The following ELAVL2 variants were observed in gnomAD, a reference collection of about 807,000 sequenced individuals.
The protein encoded by ELAVL2 is ELAV-like protein 2.
Under a neutral mutation model 34.6 loss-of-function variants are expected in ELAVL2, and 4 were observed. The observed-to-expected ratio is 0.12, with a 90% CI of 0.06 to 0.26. The LOEUF (loss-of-function observed/expected upper bound fraction) is 0.26. Ranked by LOEUF, ELAVL2 falls within the 10% of genes least tolerant of loss-of-function variation. The probability of loss-of-function intolerance (pLI) is 1.00; values close to 1 mark genes in which losing one functional copy is unlikely to be tolerated. For missense variants in ELAVL2, 432 were observed against 442.8 expected, an observed-to-expected ratio of 0.98 and a Z score of 0.22; for synonymous variants, 193 against 154.8, an observed-to-expected ratio of 1.25 and a Z score of -1.83.
At chr9:23,829,530 G>A (rs1364727554), upstream of ELAVL2, 1 of 152,156 alleles carries the variant, frequency 6.6e-6, no homozygotes, top group African/African-American at 2.4e-5. Context: ...CTTCTTAGAT[G>A]AATAAAAATG....
chr9:23,699,201 T>C (rs563358261), intron 5 of ELAVL2, among the ~76,000 whole-genome samples: 93 of 152,184 alleles, frequency 6.1e-4, no homozygotes, highest in African/African-American at 2.1e-3. Flanking sequence ...CAACCAAAAA[T>C]AAAAAGCACA....
At chr9:23,747,519 C>G (rs10966064) in intron 2 of ELAVL2, among the ~76,000 whole-genome samples, 34,281 of 152,000 alleles carry the variant, frequency 0.23, 5,091 homozygotes, top group African/African-American at 0.38. Context: ...ACCCAAAGCT[C>G]AGACAAAGAC....
At chr9:23,714,182 C>T (rs2041728777) in intron 3 of ELAVL2, among the ~76,000 whole-genome samples, 1 of 152,136 alleles carries the variant, frequency 6.6e-6, no homozygotes, top group Non-Finnish European at 1.5e-5. Context: ...AATTCAATTG[C>T]TCCTCCCAAT....
At chr9:23,715,116 G>A (rs1422335227) in intron 3 of ELAVL2, among the ~76,000 whole-genome samples, 1 of 152,136 alleles carries the variant, frequency 6.6e-6, no homozygotes, top group Non-Finnish European at 1.5e-5. Flanking sequence ...CCACCAAGTA[G>A]GGACTCTACT....
intron 1 of ELAVL2, among the ~76,000 whole-genome samples, chr9:23,786,053 T>C (rs1361478916): frequency 1.3e-5 from 2 of 152,210 alleles, no homozygotes; most frequent in Non-Finnish European, 2.9e-5. Flanking sequence ...CTAGCTGAAC[T>C]TGAGAGACTT....
At chr9:23,833,688 A>C in the ELAVL2 span, among the ~76,000 whole-genome samples, 1 of 152,082 alleles carries the variant, frequency 6.6e-6, no homozygotes, top group South Asian at 2.1e-4. Context: ...AATTCATTAT[A>C]AATGATGAAA....
intron 1 of ELAVL2, among the ~76,000 whole-genome samples, chr9:23,809,195 A>G (rs2138002094): frequency 6.6e-6 from 1 of 152,276 alleles, no homozygotes; most frequent in Non-Finnish European, 1.5e-5. Flanking sequence ...TTTATACCAG[A>G]GGCACCTGCT....
the ELAVL2 span, chr9:23,849,577 C>T: frequency 1.3e-5 from 2 of 152,204 alleles, no homozygotes; most frequent in Non-Finnish European, 2.9e-5. Flanking sequence ...CTGCAAGGTT[C>T]TTTTGAAACC....
intron 1 of ELAVL2, among the ~76,000 whole-genome samples, chr9:23,815,745 C>T (rs1431640639): frequency 6.6e-6 from 1 of 152,142 alleles, no homozygotes; most frequent in Non-Finnish European, 1.5e-5. Flanking sequence ...TATTTTCCAC[C>T]TGGCTGTGCT....
At chr9:23,718,289 C>T (rs1318659065) in intron 3 of ELAVL2, among the ~76,000 whole-genome samples, 2 of 152,136 alleles carry the variant, frequency 1.3e-5, no homozygotes, top group Non-Finnish European at 2.9e-5. Context: ...ACACAATCTG[C>T]AAGCCCTATC....
chr9:23,759,743 CATATATAGTATTATATATATAT>C (rs1006646571), intron 2 of ELAVL2, among the ~76,000 whole-genome samples: 2 of 80,454 alleles, frequency 2.5e-5, no homozygotes, highest in African/African-American at 5.4e-5. Flanking sequence ...GTGTATACAT[CATATATAGTATTATATATATAT>C]ATATATATAT....
chr9:23,801,625 G>T (rs1267054576), intron 1 of ELAVL2, among the ~76,000 whole-genome samples: 1 of 152,178 alleles, frequency 6.6e-6, no homozygotes, highest in East Asian at 1.9e-4. Context: ...CACTGTTACT[G>T]ACATTTCTTG....
intron 3 of ELAVL2, among the ~76,000 whole-genome samples, chr9:23,708,034 G>C (rs2133496472): frequency 6.7e-6 from 1 of 148,290 alleles, no homozygotes; most frequent in South Asian, 2.3e-4. Context: ...ACATACCTAG[G>C]TCAGTTATGT....
At chr9:23,830,359 G>C (rs1411570421), upstream of ELAVL2, 2 of 152,138 alleles carry the variant, frequency 1.3e-5, no homozygotes, top group African/African-American at 4.8e-5. Context: ...GCGGCAGTGA[G>C]CGGGATCTCA....
intron 1 of ELAVL2, among the ~76,000 whole-genome samples, chr9:23,787,043 A>C (rs2059775973): frequency 1.3e-5 from 2 of 152,202 alleles, no homozygotes; most frequent in Middle Eastern, 3.2e-3. Flanking sequence ...TTAATGGGAA[A>C]GACAAGAATT....
chr9:23,704,667 A>C (rs2038714936), intron 4 of ELAVL2, among the ~76,000 whole-genome samples: 1 of 152,226 alleles, frequency 6.6e-6, no homozygotes, highest in South Asian at 2.1e-4. Context: ...CTATAAATTT[A>C]TTACAAGCCA....
At chr9:23,765,948 G>C (rs2056156760) in intron 1 of ELAVL2, among the ~76,000 whole-genome samples, 1 of 152,070 alleles carries the variant, frequency 6.6e-6, no homozygotes, top group African/African-American at 2.4e-5. Context: ...ATACCAAACA[G>C]AGCCATGATA....
chr9:23,744,833 T>C (rs1024169294), intron 2 of ELAVL2, among the ~76,000 whole-genome samples: 1 of 152,114 alleles, frequency 6.6e-6, no homozygotes, highest in Admixed American at 6.6e-5. Context: ...CAAAGCTAAT[T>C]TGTTCCTTCA....
At chr9:23,814,418 G>A (rs1167409778) in intron 1 of ELAVL2, among the ~76,000 whole-genome samples, 2 of 152,184 alleles carry the variant, frequency 1.3e-5, no homozygotes, top group African/African-American at 4.8e-5. Context: ...CAGAGGGCAA[G>A]TACAGACGCA....
Sources: gnomAD v4.1 joint callset for allele counts (sites outside exome capture counted in the v4.1 genomes callset) on GRCh38, gnomAD v4.1.1 for gene constraint, MANE v1.5 for transcripts, NCBI Gene and HGNC (gene_info 2026-07-23, HGNC 2026-07-21) for gene names.